Variants in HDDC3 observed in about 807,000 individuals in gnomAD.
The protein encoded by HDDC3 is HD domain containing 3, also known as guanosine-3',5'-bis(diphosphate) 3'-pyrophosphohydrolase MESH1.
Under a neutral mutation model 19.1 loss-of-function variants are expected in HDDC3, and 18 were observed. The ratio of observed to expected loss-of-function variants is 0.94; its 90% CI spans 0.65 to 1.40. HDDC3 has a LOEUF of 1.40. Among genes scored for constraint, HDDC3 ranks in the 40% most tolerant of loss-of-function variants. The probability of loss-of-function intolerance (pLI) is 0.00; values close to 1 mark genes in which losing one functional copy is unlikely to be tolerated. For missense variants in HDDC3, 250 were observed against 228.9 expected, an observed-to-expected ratio of 1.09 and a Z score of -0.59; for synonymous variants, 107 against 99.4, an observed-to-expected ratio of 1.08 and a Z score of -0.46.
In HDDC3 at chr15:90,932,102, G is replaced by A. The variant is rs747731076; in HGVS notation, c.121C>T (p.Arg41Trp). 5.6e-6 allele frequency: 9 copies of A among 1,596,072 alleles called. No individual in the cohort carries two copies. Among genetic ancestry groups the A allele is most frequent in the Non-Finnish European group, 7.7e-6 (9 of 1,168,974 alleles). The change falls in exon 2 of 4, where the codon CGG (arginine) becomes TGG (tryptophan). Residue 41 changes from arginine to tryptophan, a missense_variant. By Grantham distance (101) the Arg-to-Trp change is moderately radical. Coordinates refer to ENST00000394272, the MANE Select transcript of HDDC3 (RefSeq NM_001286451.2). Reference sequence around the variant, plus strand: ...ATTCCCGCCTCGTGGGTCAGGATCCGTGCCACACCTGACGGGGAGGGGCAA... The same window carrying A: ...ATTCCCGCCTCGTGGGTCAGGATCCATGCCACACCTGACGGGGAGGGGCAA... ...PYINHPIGVA[R>W]ILTHEAGITD...
intron 3 of HDDC3, 57 bp from the exon 4 acceptor site, chr15:90,931,462 T>C (rs1221695405): frequency 8.1e-6 from 13 of 1,613,888 alleles, no homozygotes; most frequent in Middle Eastern, 3.3e-4. Flanking sequence ...CACTGCCTTT[T>C]CCCCACTTCC....
intron 3 of HDDC3, 79 bp from the exon 4 acceptor site, chr15:90,931,484 G>A: frequency 6.2e-7 from 1 of 1,614,134 alleles, no homozygotes; most frequent in Non-Finnish European, 8.5e-7. Flanking sequence ...GGCAAGCTTG[G>A]TTCAAGGCCA....
At position 90,931,943 on chromosome 15, in the gene HDDC3, G is replaced by T. The variant is rs912023235; in HGVS notation, c.170C>A (p.Ala57Glu). ...AGITDIVVLQ[A>E]ALLHDTVEDT... is the part of the protein sequence containing the mutation. ...CTCCACCGTGTCATGGAGCAGGGCCGCCTGGGGACAAGTTCCCACTCAGCC... is the reference window on the plus strand; with the variant it reads ...CTCCACCGTGTCATGGAGCAGGGCCTCCTGGGGACAAGTTCCCACTCAGCC... Residue 57 changes from alanine (A) to glutamate (E), a missense_variant and splice_region_variant, in exon 3 of 4, where the codon GCG (alanine) becomes GAG (glutamate). Ala to Glu is a moderately radical substitution (Grantham distance 107). Coordinates refer to ENST00000394272, the MANE Select transcript of HDDC3 (RefSeq NM_001286451.2). 4 of 1,613,732 alleles carry T rather than the reference G, an allele frequency of 2.5e-6. No homozygotes were observed. The highest frequency in any genetic ancestry group is 1.7e-5 in the Admixed American group (1 of 60,024).
chr15:90,932,011 CT>C, intron 2 of HDDC3, 43 bp downstream of exon 2: 1 of 1,614,016 alleles, frequency 6.2e-7, no homozygotes, highest in South Asian at 1.1e-5. Context: ...AATGGGGCCC[CT>C]AATCCCCATC....
chr15:90,932,314 T>A lies in HDDC3; in HGVS notation c.112+115A>T, dbSNP rs1274811144. 3.7e-6 allele frequency: 3 copies of A among 801,572 alleles called. No homozygotes were observed. The Admixed American group carries it at 9.9e-5, about 26-fold the overall frequency. The allele number at this position is 801,572 out of a possible 1,614,324, so 49.7% of individuals were successfully genotyped here. ...ATTGTTATGAGGCTTAAACGGTATATCGCACTAAGCTTGGGACAAAACAGG... is the reference window on the plus strand; with the variant it reads ...ATTGTTATGAGGCTTAAACGGTATAACGCACTAAGCTTGGGACAAAACAGG... On this transcript the variant is annotated intron_variant, in intron 1 of 3. Coordinates refer to ENST00000394272, the MANE Select transcript of HDDC3 (RefSeq NM_001286451.2).
intron 1 of HDDC3, 77 bp downstream of exon 1, chr15:90,932,352 T>G (rs1324231071): frequency 1.1e-6 from 1 of 919,822 alleles, no homozygotes; most frequent in Non-Finnish European, 1.5e-6. Flanking sequence ...CTCAATGAGG[T>G]GCACGCCCCC....
intron 1 of HDDC3, 86 bp from the exon 2 acceptor site, chr15:90,932,196 C>T (rs973792236): frequency 1.4e-6 from 2 of 1,394,124 alleles, no homozygotes; most frequent in African/African-American, 2.9e-5. Flanking sequence ...AGATGTGGCC[C>T]CTTGTGGACT....
In HDDC3 at chr15:90,932,497, G is replaced by A. The variant is rs1567144437; in HGVS notation, c.44C>T (p.Ala15Val). 1 of 1,303,830 alleles carries A rather than the reference G, an allele frequency of 7.7e-7. No individual in the cohort carries two copies. Among genetic ancestry groups the A allele is most frequent in the Non-Finnish European group, 9.7e-7 (1 of 1,026,490 alleles). 80.8% of individuals were successfully genotyped at this position (1,303,830 alleles called of 1,614,324 possible). A position where few individuals can be genotyped will look rare whatever the true frequency, so the allele number is the denominator to read the frequency against. Residue 15 changes from alanine to valine, a missense_variant, in exon 1 of 4, where the codon GCG (alanine) becomes GTG (valine). Coordinates refer to ENST00000394272, the MANE Select transcript of HDDC3 (RefSeq NM_001286451.2). ...AAQLLEAADFAARKHRQQRRK... is the reference protein window; with the variant it reads ...AAQLLEAADFVARKHRQQRRK... ...CCGCTGCTGCCGGTGCTTGCGAGCC[G>A]CGAAGTCGGCAGCCTCCAGCAGCTG...
Position 90,932,467 on chromosome 15 carries a change from T to G in HDDC3, c.74A>C (p.Lys25Thr). 3 of 1,326,566 alleles carry G rather than the reference T, an allele frequency of 2.3e-6. No individual in the cohort carries two copies. Among genetic ancestry groups the G allele is most frequent in the Non-Finnish European group, 1.9e-6 (2 of 1,039,150 alleles). 82.2% of individuals were successfully genotyped at this position (1,326,566 alleles called of 1,614,324 possible). ...GATGTAGGGGGTCCCCTCGGGGTCC[T>G]TCCGCCGCTGCTGCCGGTGCTTGCG... ...AARKHRQQRRKDPEGTPYINH... is the reference protein window; with the variant it reads ...AARKHRQQRRTDPEGTPYINH... Residue 25 changes from lysine (K) to threonine (T), a missense_variant, in exon 1 of 4, where the codon AAG becomes ACG. Lys to Thr is a moderately conservative substitution (Grantham distance 78). Transcript: ENST00000394272.
intron 3 of HDDC3, 124 bp from the exon 4 acceptor site, chr15:90,931,529 T>C: frequency 5.6e-6 from 9 of 1,614,116 alleles, no homozygotes; most frequent in Non-Finnish European, 6.8e-6. Flanking sequence ...CCTGAAAACT[T>C]CCCCTTGGCC....
rs761245831 is a variant in HDDC3, at chr15:90,931,710, G to C, written c.403C>G (p.Pro135Ala). The C allele has an allele frequency of 9.3e-6, 15 of 1,613,952 alleles. No homozygotes were observed. The South Asian group carries it at 1.5e-4, about 17-fold the overall frequency. ...YNLRDLNRCT[P>A]EGWSEHRVQE... The stretch of plus-strand genomic sequence containing the variant: ...AGCCCATACGAAAGCGTACCCTCTG[G>C]GGTGCAGCGATTCAGGTCCCTCAGA... The change falls in exon 3 of 4, where the codon CCA (proline) becomes GCA (alanine). Residue 135 changes from proline (P) to alanine (A), a missense_variant. Pro to Ala is a conservative substitution (Grantham distance 27, BLOSUM62 -1). Coordinates refer to ENST00000394272, the MANE Select transcript of HDDC3 (RefSeq NM_001286451.2).
Position 90,932,481 on chromosome 15 carries a change from C to CA in HDDC3, c.59_60insT (p.Gln21AlafsTer31). ...CCTCGGGGTCCTTCCGCCGCTGCTG[C>CA]CGGTGCTTGCGAGCCGCGAAGTCGG... On this transcript the variant is annotated frameshift_variant, in exon 1 of 4. Transcript: ENST00000394272. LOFTEE classifies it high-confidence loss of function. 2 of 1,314,438 alleles carry CA rather than the reference C, an allele frequency of 1.5e-6. No individual in the cohort carries two copies. The highest frequency in any genetic ancestry group is 2.3e-5 in the South Asian group (1 of 43,608). 81.4% of individuals were successfully genotyped at this position (1,314,438 alleles called of 1,614,324 possible).
In HDDC3 at chr15:90,932,316, G is replaced by T. The variant is rs575395909; in HGVS notation, c.112+113C>A. ...TGTTATGAGGCTTAAACGGTATATC[G>T]CACTAAGCTTGGGACAAAACAGGTG... On this transcript the variant is annotated intron_variant, in intron 1 of 3. Transcript: ENST00000394272. The T allele has an allele frequency of 1.0e-5, 8 of 796,286 alleles. No individual in the cohort carries two copies. In the South Asian group the frequency reaches 1.4e-4, roughly 14 times the overall value. 49.3% of individuals were successfully genotyped at this position (796,286 alleles called of 1,614,324 possible). A position where few individuals can be genotyped will look rare whatever the true frequency, so the allele number is the denominator to read the frequency against.
upstream of HDDC3, chr15:90,932,569 G>T (rs1347142005): frequency 2.5e-6 from 3 of 1,204,648 alleles, no homozygotes; most frequent in Non-Finnish European, 3.1e-6. Context: ...GACTGCGGCC[G>T]CAGGGGCAGG....
Position 90,931,783 on chromosome 15 carries a change from G to A in HDDC3, c.330C>T (p.His110=). The A allele has an allele frequency of 6.2e-7, 1 of 1,614,168 alleles. No individual in the cohort carries two copies. The highest frequency in any genetic ancestry group is 8.5e-7 in the Non-Finnish European group (1 of 1,180,034). ...RKRLQVEQAP[H]SSPGAKLVKL... The stretch of plus-strand genomic sequence containing the variant: ...TCACCAGTTTGGCCCCGGGGCTACT[G>A]TGGGGCGCTTGCTCCACCTGCAGCC... Residue 110 remains histidine (H), a synonymous_variant, in exon 3 of 4, where the codon CAC becomes CAT. Transcript: ENST00000394272.
chr15:90,932,207 C>G (rs912346957), intron 1 of HDDC3, 97 bp from the exon 2 acceptor site: 13 of 1,324,626 alleles, frequency 9.8e-6, no homozygotes, highest in African/African-American at 3.0e-5. Flanking sequence ...CTTGTGGACT[C>G]TGACTAGCTG....
Position 90,931,726 on chromosome 15 carries a change from G to A in HDDC3, c.387C>T (p.Asp129=), listed in dbSNP as rs752276722. The change falls in exon 3 of 4, where the codon GAC becomes GAT. Residue 129 remains aspartate, a synonymous_variant. Coordinates refer to ENST00000394272, the MANE Select transcript of HDDC3 (RefSeq NM_001286451.2). ...TACCCTCTGGGGTGCAGCGATTCAG[G>A]TCCCTCAGATTGTACAGCTTGTCTG... ...KLADKLYNLR[D]LNRCTPEGWS... The A allele has an allele frequency of 1.1e-5, 18 of 1,614,002 alleles. No homozygotes were observed. The East Asian group carries it at 3.6e-4, about 32-fold the overall frequency.
rs768366806 is a variant in HDDC3, at chr15:90,931,291, CG to C, written c.523del (p.Arg175GlyfsTer3). On this transcript the variant is annotated frameshift_variant, in exon 4 of 4. Transcript: ENST00000394272. LOFTEE classifies it high-confidence loss of function. ...EEALKHLFKQ[R>X]GLTI is the part of the protein sequence containing the mutation. ...AAGCACTGATCAGATTGTCAGCCCC[CG>C]CTGCTTGAACAGATGCTTTAGAGCC... The C allele has an allele frequency of 1.9e-6, 3 of 1,550,878 alleles. No individual in the cohort carries two copies. The South Asian group carries it at 3.6e-5, about 18-fold the overall frequency.
At chr15:90,932,157 A>G in intron 1 of HDDC3, 47 bp from the exon 2 acceptor site, 1 of 1,550,674 alleles carries the variant, frequency 6.4e-7, no homozygotes, top group South Asian at 1.2e-5. Flanking sequence ...GGTAGTCCCA[A>G]GGCGGTGTGT....
Sources: gnomAD v4.1 joint callset for allele counts on GRCh38, gnomAD v4.1.1 for gene constraint, MANE v1.5 for transcripts, NCBI Gene and HGNC (gene_info 2026-07-23, HGNC 2026-07-21) for gene names.